Variants in DNAH7 observed in about 807,000 individuals in gnomAD.
The protein encoded by DNAH7 is dynein axonemal heavy chain 7.
A neutral mutation model predicts 444.6 loss-of-function variants in DNAH7; 397 were observed. The observed-to-expected ratio is 0.89, with a 90% CI of 0.82 to 0.97. The LOEUF (loss-of-function observed/expected upper bound fraction) is 0.97. Among genes scored for constraint, DNAH7 ranks in the 50% least tolerant of loss-of-function variants. The probability of loss-of-function intolerance (pLI) is 0.00; values close to 1 mark genes in which losing one functional copy is unlikely to be tolerated. For synonymous variants in DNAH7, 1,636 were observed against 1,624.4 expected (o/e 1.01, Z -0.17); for missense variants, 4,902 against 4,800.8 (o/e 1.02, Z -0.62).
Position 195,778,640 on chromosome 2 carries a change from ATAAATATATAT to A in DNAH7, c.10879-666_10879-656del, listed in dbSNP as rs1559089692. On this transcript the variant is annotated intron_variant, in intron 58 of 64. Coordinates refer to ENST00000312428, the MANE Select transcript of DNAH7 (RefSeq NM_018897.3). ...TCTGAAAAAAAAAAAAAATAAATAAATAAATATATATATATATATATATATATATACACACA... is the reference window on the plus strand; with the variant it reads ...TCTGAAAAAAAAAAAAAATAAATAAAATATATATATATATATATACACACA... Among the ~76,000 whole-genome samples the A allele has an allele frequency of 1.2e-3, 77 of 61,796 alleles. 11 individuals carry two copies. In the East Asian group the frequency reaches 0.027, roughly 22 times the overall value. 40.5% of individuals were successfully genotyped at this position (61,796 alleles called of 152,430 possible).
intron 8 of DNAH7, among the ~76,000 whole-genome samples, chr2:196,020,566 C>G (rs1695313029): frequency 6.7e-6 from 1 of 148,874 alleles, no homozygotes; most frequent in Admixed American, 6.7e-5. Flanking sequence ...GGGTACATAA[C>G]TTTTTTTGTG....
Position 195,923,582 on chromosome 2 carries a change from T to C in DNAH7, c.3825+13A>G, listed in dbSNP as rs1688149728. The C allele has an allele frequency of 1.2e-6, 2 of 1,612,426 alleles. No homozygotes were observed. The highest frequency in any genetic ancestry group is 1.1e-5 in the South Asian group (1 of 90,986). On this transcript the variant is annotated intron_variant, in intron 23 of 64. Coordinates refer to ENST00000312428, the MANE Select transcript of DNAH7 (RefSeq NM_018897.3). ...AATTGCTGTGTAATATAACATTCAGTGATACCACTTACTTGCCAGTAGTAC... is the reference window on the plus strand; with the variant it reads ...AATTGCTGTGTAATATAACATTCAGCGATACCACTTACTTGCCAGTAGTAC...
rs1287701275 is a variant in DNAH7 at position 195,737,934 on chromosome 2, T to C, written c.12062A>G (p.Gln4021Arg). 5 of 1,613,826 alleles carry C rather than the reference T, an allele frequency of 3.1e-6. No homozygotes were observed. Among genetic ancestry groups the C allele is most frequent in the Non-Finnish European group, 4.2e-6 (5 of 1,179,850 alleles). The change falls in exon 65 of 65, where the codon CAA (glutamine) becomes CGA (arginine). Residue 4021 changes from glutamine (Q) to arginine (R), a missense_variant. By Grantham distance (43) the Gln-to-Arg change is conservative. Coordinates refer to ENST00000312428, the MANE Select transcript of DNAH7 (RefSeq NM_018897.3). ...GATGTCTTCTGGTTATGAATTAAGT[T>C]GACATAACAGTGCTACACCTCGTCC... ...WIGRGVALLC[Q>R]LNS is the part of the protein sequence containing the mutation.
At chr2:195,873,493 G>T in intron 39 of DNAH7, 75 bp downstream of exon 39, 2 of 916,430 alleles carry the variant, frequency 2.2e-6, no homozygotes, top group South Asian at 3.3e-5. Context: ...TTTGAAATAC[G>T]CTACTTAATA....
At chr2:195,873,480 T>C (rs1700838607) in intron 39 of DNAH7, 88 bp downstream of exon 39, 1 of 865,084 alleles carries the variant, frequency 1.2e-6, no homozygotes, top group South Asian at 3.5e-5. Context: ...AATGCTTTTG[T>C]TCTTTGAAAT....
At chr2:195,973,362 C>T (rs990955692) in intron 15 of DNAH7, among the ~76,000 whole-genome samples, 14 of 152,090 alleles carry the variant, frequency 9.2e-5, no homozygotes, top group African/African-American at 1.2e-4. Context: ...GTATTGGGCG[C>T]GTGGGAATGT....
chr2:195,827,471 G>T (rs1057002455), intron 48 of DNAH7, among the ~76,000 whole-genome samples: 1 of 152,206 alleles, frequency 6.6e-6, no homozygotes, highest in African/African-American at 2.4e-5. Flanking sequence ...TAAAGACAGG[G>T]CTTCACCATG....
rs1696041610 is a variant in DNAH7 at position 195,794,455 on chromosome 2, C to G, written c.10599G>C (p.Leu3533=). Reference sequence around the variant, plus strand: ...CATTGGTCATTTTCACTCCATTCTGCAGTACTGACACAGGGAAATTTGGAG... The same window carrying G: ...CATTGGTCATTTTCACTCCATTCTGGAGTACTGACACAGGGAAATTTGGAG... ...YPSPNFPVSV[L]QNGVKMTNEA... Residue 3533 remains leucine (L), a synonymous_variant, in exon 57 of 65, where the codon CTG becomes CTC. Coordinates refer to ENST00000312428, the MANE Select transcript of DNAH7 (RefSeq NM_018897.3). The G allele has an allele frequency of 6.2e-7, 1 of 1,614,046 alleles. No individual in the cohort carries two copies. The highest frequency in any genetic ancestry group is 1.7e-5 in the Admixed American group (1 of 60,008).
intron 22 of DNAH7, among the ~76,000 whole-genome samples, chr2:195,925,997 A>G (rs1296458331): frequency 6.6e-6 from 1 of 152,148 alleles, no homozygotes; most frequent in Non-Finnish European, 1.5e-5. Context: ...CAATCAATAC[A>G]TTAGAAATAA....
chr2:196,027,961 A>G lies in DNAH7; in HGVS notation c.485T>C (p.Leu162Ser), dbSNP rs1418889098. ...CAGACAAAACAAATGGCCAGTTACC[A>G]AGATGTCTTTCTCTATAGCAGAAGC... Reference protein sequence around the residue: ...PTASAIEKDILRYYYYIHHGI... With the variant: ...PTASAIEKDISRYYYYIHHGI... Residue 162 changes from leucine (L) to serine (S), a missense_variant and splice_region_variant, in exon 6 of 65, where the codon TTG becomes TCG. Physicochemically the swap from Leu to Ser is moderately radical, Grantham distance 145 (BLOSUM62 -2). Transcript: ENST00000312428. 1 of 1,610,916 alleles carries G rather than the reference A, an allele frequency of 6.2e-7. No individual in the cohort carries two copies. Among genetic ancestry groups the G allele is most frequent in the East Asian group, 2.2e-5 (1 of 44,672 alleles).
chr2:195,931,146 T>C (rs1428442988), intron 21 of DNAH7, among the ~76,000 whole-genome samples: 3 of 152,156 alleles, frequency 2.0e-5, no homozygotes, highest in African/African-American at 7.2e-5. Context: ...GATATATCTA[T>C]GTAACAAACC....
chr2:195,930,201 G>A (rs992366650), intron 21 of DNAH7, among the ~76,000 whole-genome samples: 3 of 152,172 alleles, frequency 2.0e-5, no homozygotes, highest in Non-Finnish European at 4.4e-5. Flanking sequence ...AAATTAGCTG[G>A]GTGTGGTGGC....
At chr2:195,980,840 T>C (rs939228668) in intron 15 of DNAH7, among the ~76,000 whole-genome samples, 3 of 149,782 alleles carry the variant, frequency 2.0e-5, no homozygotes, top group Non-Finnish European at 4.5e-5. Flanking sequence ...TCAAAAATTG[T>C]GCACAGGAGG....
chr2:195,829,299 T>G (rs1474836143), intron 48 of DNAH7, among the ~76,000 whole-genome samples: 2 of 151,994 alleles, frequency 1.3e-5, no homozygotes, highest in African/African-American at 4.8e-5. Flanking sequence ...ATGAGGTATA[T>G]TGTTTATAAA....
At chr2:195,912,206 C>G (rs190461466) in intron 24 of DNAH7, among the ~76,000 whole-genome samples, 3 of 152,192 alleles carry the variant, frequency 2.0e-5, no homozygotes, top group Admixed American at 6.5e-5. Flanking sequence ...GAAGAAAGAG[C>G]AGCACTTTTC....
chr2:195,831,871 A>G (rs537441720), intron 48 of DNAH7, among the ~76,000 whole-genome samples: 19 of 152,284 alleles, frequency 1.2e-4, no homozygotes, highest in Middle Eastern at 3.4e-3. Context: ...TGGGACCAGT[A>G]TAGTTAAGGG....
rs777111077 is a variant in DNAH7 at position 195,972,471 on chromosome 2, G to C, written c.1834-5C>G. ...CTCCACTTTCTGAATGTAAGCCTGA[G>C]GGAAAACAAAAATTACAGGTGACAT... is the stretch of plus-strand genomic sequence containing the variant. On this transcript the variant is annotated splice_region_variant and splice_polypyrimidine_tract_variant and intron_variant, in intron 15 of 64. Transcript: ENST00000312428. 6.2e-7 allele frequency: 1 copy of C among 1,609,578 alleles called. No homozygotes were observed. Among genetic ancestry groups the C allele is most frequent in the South Asian group, 1.1e-5 (1 of 90,838 alleles).
At chr2:195,746,250 A>G (rs1693396177) in intron 63 of DNAH7, among the ~76,000 whole-genome samples, 1 of 152,046 alleles carries the variant, frequency 6.6e-6, no homozygotes, top group East Asian at 1.9e-4. Context: ...AGAGACAAAG[A>G]AGGCCATTAC....
Position 195,824,332 on chromosome 2 carries a change from C to T in DNAH7, c.9214G>A (p.Glu3072Lys). The T allele has an allele frequency of 6.2e-7, 1 of 1,613,870 alleles. No individual in the cohort carries two copies. The highest frequency in any genetic ancestry group is 8.5e-7 in the Non-Finnish European group (1 of 1,179,902). ...TAGAAGCGGAAGTCAGGTGCATATTCAATTGTGGAGTCCCCAAGCCGGATA... is the reference window on the plus strand; with the variant it reads ...TAGAAGCGGAAGTCAGGTGCATATTTAATTGTGGAGTCCCCAAGCCGGATA... ...TCIRLGDSTIEYAPDFRFYIT... is the reference protein window; with the variant it reads ...TCIRLGDSTIKYAPDFRFYIT... Residue 3072 changes from glutamate to lysine, a missense_variant, in exon 49 of 65, where the codon GAA becomes AAA. By Grantham distance (56) the Glu-to-Lys change is moderately conservative (BLOSUM62 1). Transcript: ENST00000312428.
Sources: allele counts gnomAD v4.1 joint callset (sites outside exome capture counted in the v4.1 genomes callset), GRCh38; gene constraint gnomAD v4.1.1; transcripts MANE v1.5; gene names NCBI Gene and HGNC (gene_info 2026-07-23, HGNC 2026-07-21).